Variants in GALNT13 observed in about 807,000 individuals in gnomAD.
The protein encoded by GALNT13 is UDP-GalNAc:polypeptide N-acetylgalactosaminyltransferase 13.
A neutral mutation model predicts 64.2 loss-of-function variants in GALNT13; 28 were observed. The observed-to-expected ratio is 0.44, with a 90% confidence interval of 0.32 to 0.60. The LOEUF (loss-of-function observed/expected upper bound fraction) is 0.60. GALNT13 is among the 20% of genes least tolerant of loss of function. The pLI is 0.05. For missense variants in GALNT13, 577 were observed against 669.8 expected (o/e 0.86, Z 1.53); for synonymous variants, 214 against 224.6 (o/e 0.95, Z 0.42).
At chr2:153,236,661 G>GA in the GALNT13 span, among the ~76,000 whole-genome samples, 1 of 151,868 alleles carries the variant, frequency 6.6e-6, no homozygotes, top group Non-Finnish European at 1.5e-5. Flanking sequence ...CTACTGCTTA[G>GA]AAAAAAAATA....
At chr2:154,162,986 A>G (rs967319941) in intron 4 of GALNT13, among the ~76,000 whole-genome samples, 48 of 146,074 alleles carry the variant, frequency 3.3e-4, no homozygotes, top group Non-Finnish European at 5.6e-4. Context: ...TTTTTTTTTT[A>G]TATTTTTTAT....
chr2:153,777,488 G>A, the GALNT13 span, among the ~76,000 whole-genome samples: 1 of 152,136 alleles, frequency 6.6e-6, no homozygotes, highest in African/African-American at 2.4e-5. Flanking sequence ...CAGGTCATGA[G>A]GCCTCCATCA....
the GALNT13 span, among the ~76,000 whole-genome samples, chr2:153,499,256 G>A: frequency 6.6e-6 from 1 of 152,178 alleles, no homozygotes; most frequent in Non-Finnish European, 1.5e-5. Flanking sequence ...CAGCTCTCAG[G>A]AGACCCAAAA....
At chr2:153,601,366 G>A in the GALNT13 span, among the ~76,000 whole-genome samples, 19 of 151,566 alleles carry the variant, frequency 1.3e-4, no homozygotes, top group Non-Finnish European at 2.5e-4. Flanking sequence ...CATAATGAAC[G>A]TAAACTATAT....
intron 3 of GALNT13, among the ~76,000 whole-genome samples, chr2:154,038,754 C>T (rs1322673332): frequency 1.2e-4 from 18 of 151,910 alleles, no homozygotes; most frequent in Non-Finnish European, 2.6e-4. Context: ...AAACAAAAAT[C>T]AGCAAAAGGG....
chr2:153,600,309 AT>A, the GALNT13 span, among the ~76,000 whole-genome samples: 14 of 150,520 alleles, frequency 9.3e-5, no homozygotes, highest in South Asian at 6.3e-4. Context: ...ATGCAATTTT[AT>A]TTTTTTTTCA....
At chr2:153,933,838 C>G (rs1023800500) in intron 2 of GALNT13, among the ~76,000 whole-genome samples, 1 of 152,122 alleles carries the variant, frequency 6.6e-6, no homozygotes, top group African/African-American at 2.4e-5. Flanking sequence ...TTTTATTTCT[C>G]CTTCTCTTAC....
Position 153,899,932 on chromosome 2 carries a change from TATA to T in GALNT13, c.-176-1003_-176-1001del, listed in dbSNP as rs796164770. Reference sequence around the variant, plus strand: ...AGATATATACATATATATATATATATATATTTTTTTTTTTTTTTTTTGAGATGG... The same window carrying T: ...AGATATATACATATATATATATATATTTTTTTTTTTTTTTTTTTGAGATGG... On this transcript the variant is annotated intron_variant, in intron 1 of 12. Transcript: ENST00000392825. Among the ~76,000 whole-genome samples, 569 of 88,494 alleles carry T rather than the reference TATA, an allele frequency of 6.4e-3. 10 individuals are homozygous for T. Among genetic ancestry groups the T allele is most frequent in the African/African-American group, 0.019 (493 of 26,196 alleles). The allele number at this position is 88,494 out of a possible 152,430, so 58.1% of individuals were successfully genotyped here.
chr2:153,221,591 T>C, the GALNT13 span, among the ~76,000 whole-genome samples: 1 of 152,320 alleles, frequency 6.6e-6, no homozygotes, highest in Non-Finnish European at 1.5e-5. Flanking sequence ...TGCTCGGGCC[T>C]GCTTGGCTCA....
intron 11 of GALNT13, among the ~76,000 whole-genome samples, chr2:154,412,833 A>G (rs985923717): frequency 5.9e-5 from 9 of 152,002 alleles, no homozygotes; most frequent in East Asian, 1.9e-4. Flanking sequence ...CCTTATAAAT[A>G]AAAACTGTCT....
At chr2:154,108,071 C>T (rs1702721512) in intron 3 of GALNT13, among the ~76,000 whole-genome samples, 1 of 151,988 alleles carries the variant, frequency 6.6e-6, no homozygotes, top group South Asian at 2.1e-4. Flanking sequence ...CATGGGGGTG[C>T]CGACATTCCT....
chr2:153,647,848 A>G, the GALNT13 span, among the ~76,000 whole-genome samples: 1 of 152,174 alleles, frequency 6.6e-6, no homozygotes, highest in Non-Finnish European at 1.5e-5. Context: ...TACCAGTACC[A>G]TGCTGTTTTG....
chr2:153,723,611 G>C, the GALNT13 span, among the ~76,000 whole-genome samples: 2 of 151,912 alleles, frequency 1.3e-5, no homozygotes, highest in Non-Finnish European at 2.9e-5. Context: ...CAAAGTCTCA[G>C]GATACAATAT....
the GALNT13 span, among the ~76,000 whole-genome samples, chr2:153,685,610 A>G: frequency 1.3e-5 from 2 of 151,994 alleles, no homozygotes; most frequent in Non-Finnish European, 2.9e-5. Flanking sequence ...CCCATTGTGT[A>G]TGTTGCCTGG....
chr2:154,242,226 G>GT (rs759260336), intron 5 of GALNT13, 30 bp downstream of exon 5: 22 of 1,589,224 alleles, frequency 1.4e-5, no homozygotes, highest in Admixed American at 3.5e-5. Context: ...TTTTGTTTTT[G>GT]TTTTTTTGTT....
intron 11 of GALNT13, chr2:154,436,868 G>T (rs1355771784): frequency 6.6e-6 from 1 of 152,114 alleles, no homozygotes; most frequent in East Asian, 1.9e-4. Context: ...TTGAGAAAAT[G>T]TATAACCTTT....
the GALNT13 span, among the ~76,000 whole-genome samples, chr2:153,769,133 T>C: frequency 2.0e-3 from 307 of 152,274 alleles, 3 homozygotes; most frequent in South Asian, 0.028. Context: ...GTTCTTGTCA[T>C]AGTGTTGTTA....
At chr2:154,342,693 G>A (rs1315307126) in intron 9 of GALNT13, among the ~76,000 whole-genome samples, 1 of 151,936 alleles carries the variant, frequency 6.6e-6, no homozygotes, top group African/African-American at 2.4e-5. Context: ...AAGTACAACA[G>A]AGACTATATG....
intron 9 of GALNT13, among the ~76,000 whole-genome samples, chr2:154,353,886 C>A (rs898216750): frequency 1.8e-4 from 28 of 152,112 alleles, no homozygotes; most frequent in Non-Finnish European, 3.7e-4. Context: ...ATGAAGATAT[C>A]TTTACAAGGT....
Sources: gnomAD v4.1 joint callset for allele counts (sites outside exome capture counted in the v4.1 genomes callset) on GRCh38, gnomAD v4.1.1 for gene constraint, MANE v1.5 for transcripts, NCBI Gene and HGNC (gene_info 2026-07-23, HGNC 2026-07-21) for gene names.